ABTB3: variants seen among roughly 807,000 people sequenced by gnomAD.
ABTB3 encodes the protein ankyrin repeat and BTB domain containing 3.
the ABTB3 span, among the ~76,000 whole-genome samples, chr12:107,607,089 G>A: frequency 1.3e-5 from 2 of 152,144 alleles, no homozygotes; most frequent in African/African-American, 4.8e-5. Context: ...AAGGATCCAT[G>A]GTTTCCCCTT....
chr12:107,436,846 G>GA, the ABTB3 span, among the ~76,000 whole-genome samples: 9 of 151,752 alleles, frequency 5.9e-5, no homozygotes, highest in Non-Finnish European at 1.3e-4. Flanking sequence ...AGATCAGTAA[G>GA]AAAAAAAATG....
chr12:107,320,227 G>C, the ABTB3 span: 1 of 1,281,252 alleles, frequency 7.8e-7, no homozygotes, highest in Non-Finnish European at 1.0e-6. Flanking sequence ...GCCAGAACAA[G>C]AGGTTGCCTG....
At chr12:107,649,374 C>T in the ABTB3 span, 1 of 1,151,666 alleles carries the variant, frequency 8.7e-7, no homozygotes, top group South Asian at 1.2e-5. Context: ...TCTGGAAGGA[C>T]CCGTGTTGGG....
At chr12:107,626,329 G>A in the ABTB3 span, among the ~76,000 whole-genome samples, 1 of 147,976 alleles carries the variant, frequency 6.8e-6, no homozygotes, top group African/African-American at 2.5e-5. Flanking sequence ...CTGACTGCTG[G>A]GTACTATCGT....
the ABTB3 span, among the ~76,000 whole-genome samples, chr12:107,463,899 T>A: frequency 6.6e-6 from 1 of 152,210 alleles, no homozygotes. Context: ...AGATGGTTCC[T>A]ACACTGCCAC....
the ABTB3 span, among the ~76,000 whole-genome samples, chr12:107,334,525 A>G: frequency 6.6e-6 from 1 of 152,166 alleles, no homozygotes; most frequent in Non-Finnish European, 1.5e-5. Flanking sequence ...TGGCAGGAAA[A>G]TCAGGACTCC....
At chr12:107,520,094 C>T in the ABTB3 span, 1 of 358,866 alleles carries the variant, frequency 2.8e-6, no homozygotes, top group Non-Finnish European at 3.9e-6. Flanking sequence ...AGACTATTCC[C>T]CCAGGGCACT....
the ABTB3 span, among the ~76,000 whole-genome samples, chr12:107,370,184 T>C: frequency 6.6e-6 from 1 of 152,234 alleles, no homozygotes; most frequent in African/African-American, 2.4e-5. Flanking sequence ...TGGGAACACA[T>C]TATTCCTGAT....
At chr12:107,601,759 A>G in the ABTB3 span, among the ~76,000 whole-genome samples, 1 of 152,228 alleles carries the variant, frequency 6.6e-6, no homozygotes, top group Non-Finnish European at 1.5e-5. Flanking sequence ...TGCCTTCATC[A>G]TAGGGTTATT....
At chr12:107,560,063 T>A in the ABTB3 span, among the ~76,000 whole-genome samples, 1 of 152,222 alleles carries the variant, frequency 6.6e-6, no homozygotes, top group Admixed American at 6.5e-5. Context: ...TTGTGTCTTA[T>A]TTTTATTTCA....
At chr12:107,589,176 A>G in the ABTB3 span, among the ~76,000 whole-genome samples, 1 of 152,254 alleles carries the variant, frequency 6.6e-6, no homozygotes, top group Non-Finnish European at 1.5e-5. Flanking sequence ...TAGTAAATGC[A>G]CATGAAATAC....
At chr12:107,420,766 C>T in the ABTB3 span, among the ~76,000 whole-genome samples, 11 of 152,160 alleles carry the variant, frequency 7.2e-5, no homozygotes, top group East Asian at 1.9e-4. Context: ...GCAGTTTACT[C>T]GACTCTCACC....
At chr12:107,359,081 C>T in the ABTB3 span, among the ~76,000 whole-genome samples, 1 of 152,204 alleles carries the variant, frequency 6.6e-6, no homozygotes, top group South Asian at 2.1e-4. Flanking sequence ...GACCTGACCT[C>T]CTGATCCTAA....
chr12:107,549,542 G>GTT, the ABTB3 span, among the ~76,000 whole-genome samples: 1 of 152,238 alleles, frequency 6.6e-6, no homozygotes, highest in East Asian at 1.9e-4. Context: ...AGGATACTTA[G>GTT]TTGCAAAAGC....
chr12:107,523,618 T>A, the ABTB3 span, among the ~76,000 whole-genome samples: 1 of 152,162 alleles, frequency 6.6e-6, no homozygotes, highest in Non-Finnish European at 1.5e-5. Flanking sequence ...TAGCAGCAGG[T>A]CAGATGACCC....
the ABTB3 span, among the ~76,000 whole-genome samples, chr12:107,493,738 G>T: frequency 2.6e-5 from 4 of 152,286 alleles, no homozygotes; most frequent in East Asian, 5.8e-4. Context: ...CATGAAAAAG[G>T]TGAAATTTGG....
the ABTB3 span, among the ~76,000 whole-genome samples, chr12:107,495,702 G>T: frequency 1.6e-3 from 247 of 152,276 alleles, no homozygotes; most frequent in Non-Finnish European, 3.1e-3. Flanking sequence ...GCCTCTTGGG[G>T]TATGGTGAGG....
At chr12:107,451,266 T>G in the ABTB3 span, among the ~76,000 whole-genome samples, 1 of 152,186 alleles carries the variant, frequency 6.6e-6, no homozygotes, top group South Asian at 2.1e-4. Context: ...CAACCTCTTC[T>G]TTGCAAAAGG....
At chr12:107,324,174 T>C in the ABTB3 span, among the ~76,000 whole-genome samples, 2 of 152,192 alleles carry the variant, frequency 1.3e-5, no homozygotes, top group South Asian at 4.1e-4. Flanking sequence ...CCAGGCACAA[T>C]GGTATCTCAT....
Sources: allele counts gnomAD v4.1 joint callset (sites outside exome capture counted in the v4.1 genomes callset), GRCh38; gene constraint gnomAD v4.1.1; transcripts MANE v1.5; gene names NCBI Gene and HGNC (gene_info 2026-07-23, HGNC 2026-07-21).